ARHGEF10L: variants seen among roughly 807,000 people sequenced by gnomAD.
ARHGEF10L encodes Rho guanine nucleotide exchange factor 10 like.
ARHGEF10L carries 69 observed loss-of-function variants against 141.2 expected under a neutral mutation model. The ratio of observed to expected loss-of-function variants is 0.49; its 90% CI spans 0.40 to 0.60. The LOEUF is 0.60. Among genes scored for constraint, ARHGEF10L ranks in the 20% least tolerant of loss-of-function variants. The probability of loss-of-function intolerance (pLI) is 0.00; values close to 1 mark genes in which losing one functional copy is unlikely to be tolerated. For synonymous variants in ARHGEF10L, 711 were observed against 718.5 expected (o/e 0.99, Z 0.17); for missense variants, 1,482 against 1,734.3 (o/e 0.85, Z 2.58).
intron 13 of ARHGEF10L, among the ~76,000 whole-genome samples, chr1:17,624,818 T>A (rs563404110): frequency 3.3e-4 from 50 of 152,290 alleles, no homozygotes; most frequent in Non-Finnish European, 4.4e-5. Flanking sequence ...GCTGGCCCTG[T>A]GGTGGGCTGT....
At chr1:17,669,828 C>T (rs2063204769) in intron 26 of ARHGEF10L, among the ~76,000 whole-genome samples, 1 of 152,256 alleles carries the variant, frequency 6.6e-6, no homozygotes, top group African/African-American at 2.4e-5. Flanking sequence ...GTGGGCTCAG[C>T]AGTCCAGGAG....
chr1:17,517,853 G>C, the ARHGEF10L span, among the ~76,000 whole-genome samples: 1 of 152,004 alleles, frequency 6.6e-6, no homozygotes, highest in South Asian at 2.1e-4. Context: ...GTAGAGACGG[G>C]GTTTCACCAT....
At chr1:17,606,586 G>A (rs754821572) in intron 6 of ARHGEF10L, among the ~76,000 whole-genome samples, 3 of 150,040 alleles carry the variant, frequency 2.0e-5, no homozygotes, top group Non-Finnish European at 4.4e-5. Flanking sequence ...GAGCCACCGC[G>A]ACCAGTCAGA....
At chr1:17,532,239 G>A in the ARHGEF10L span, among the ~76,000 whole-genome samples, 16 of 152,250 alleles carry the variant, frequency 1.1e-4, no homozygotes, top group South Asian at 4.2e-4. Flanking sequence ...CCTGTCTGCT[G>A]TCAGCTGACC....
At chr1:17,578,593 G>A (rs764169756) in intron 1 of ARHGEF10L, among the ~76,000 whole-genome samples, 10 of 152,120 alleles carry the variant, frequency 6.6e-5, no homozygotes, top group Non-Finnish European at 1.2e-4. Context: ...AGGCTGAGGC[G>A]AGAGGATCAC....
chr1:17,612,947 C>A, intron 7 of ARHGEF10L, 111 bp from the exon 8 acceptor site: 1 of 741,266 alleles, frequency 1.3e-6, no homozygotes. Context: ...AGCTGTCCGT[C>A]CGCACTTTAC....
At position 17,649,712 on chromosome 1, in the gene ARHGEF10L, G is replaced by A. The variant is rs138799321; in HGVS notation, c.2394+1037G>A. On this transcript the variant is annotated intron_variant, in intron 22 of 28. Coordinates refer to ENST00000361221, the MANE Select transcript of ARHGEF10L (RefSeq NM_018125.4). ...CAAAGGAAATAGAAAAGAGTGAGGT[G>A]TGTAATAAAGACATCGGGGCCACAG... is the stretch of plus-strand genomic sequence containing the variant. 2.6e-3 allele frequency among the ~76,000 whole-genome samples: 390 copies of A among 152,320 alleles called. 2 individuals carry two copies. The highest frequency in any genetic ancestry group is 8.7e-3 in the African/African-American group (363 of 41,556).
intron 26 of ARHGEF10L, 69 bp from the exon 27 acceptor site, chr1:17,687,504 G>A: frequency 1.9e-6 from 3 of 1,561,390 alleles, no homozygotes; most frequent in Non-Finnish European, 2.6e-6. Flanking sequence ...TGGCCCAGGG[G>A]TGGGGGCTTG....
chr1:17,633,510 AT>A (rs1053338783), intron 16 of ARHGEF10L, among the ~76,000 whole-genome samples: 57 of 149,412 alleles, frequency 3.8e-4, no homozygotes, highest in African/African-American at 1.1e-3. Context: ...CACCTAGCTA[AT>A]TTTTTTTTTA....
At chr1:17,545,393 A>G (rs2076882649) in intron 1 of ARHGEF10L, among the ~76,000 whole-genome samples, 1 of 152,314 alleles carries the variant, frequency 6.6e-6, no homozygotes, top group East Asian at 1.9e-4. Flanking sequence ...GCTGCTGGGC[A>G]GGGCCTGCTT....
intron 9 of ARHGEF10L, among the ~76,000 whole-genome samples, chr1:17,617,351 C>T (rs1463195210): frequency 2.0e-5 from 3 of 152,212 alleles, no homozygotes; most frequent in African/African-American, 7.2e-5. Context: ...CCCCTGATCC[C>T]CTGAAGCCCC....
At chr1:17,554,447 C>T (rs2077226714) in intron 1 of ARHGEF10L, among the ~76,000 whole-genome samples, 1 of 152,004 alleles carries the variant, frequency 6.6e-6, no homozygotes, top group African/African-American at 2.4e-5. Flanking sequence ...CTAGTCCACA[C>T]ATAGGACATC....
intron 22 of ARHGEF10L, among the ~76,000 whole-genome samples, chr1:17,649,831 G>A (rs934988183): frequency 6.6e-6 from 1 of 152,192 alleles, no homozygotes; most frequent in South Asian, 2.1e-4. Flanking sequence ...TCAGCCCAGG[G>A]ATGGGAACAA....
chr1:17,554,434 C>G (rs1199879461), intron 1 of ARHGEF10L, among the ~76,000 whole-genome samples: 1 of 151,894 alleles, frequency 6.6e-6, no homozygotes, highest in Non-Finnish European at 1.5e-5. Flanking sequence ...TTTCAGGGAT[C>G]ATCTAGTCCA....
intron 1 of ARHGEF10L, among the ~76,000 whole-genome samples, chr1:17,576,530 C>T (rs777488174): frequency 7.9e-5 from 12 of 152,052 alleles, no homozygotes; most frequent in Admixed American, 4.6e-4. Context: ...GTTCAGTGTC[C>T]GCCTGTTCCT....
chr1:17,618,470 C>T, intron 9 of ARHGEF10L: 1 of 1,472,246 alleles, frequency 6.8e-7, no homozygotes, highest in Non-Finnish European at 9.0e-7. Context: ...ACCCCCACCC[C>T]CACGCCGTCA....
intron 26 of ARHGEF10L, among the ~76,000 whole-genome samples, chr1:17,681,924 G>GT (rs2064154382): frequency 6.6e-6 from 1 of 151,884 alleles, no homozygotes; most frequent in Admixed American, 6.6e-5. Flanking sequence ...GTTGTCACTA[G>GT]TTACAGAGAT....
At chr1:17,626,785 C>T (rs1006629164) in intron 14 of ARHGEF10L, among the ~76,000 whole-genome samples, 3 of 152,238 alleles carry the variant, frequency 2.0e-5, no homozygotes, top group Non-Finnish European at 4.4e-5. Flanking sequence ...CCACAGCCTC[C>T]GGCAACCACC....
At chr1:17,626,112 C>A (rs961116342) in intron 14 of ARHGEF10L, 64 bp downstream of exon 14, 1 of 1,482,926 alleles carries the variant, frequency 6.7e-7, no homozygotes, top group African/African-American at 1.4e-5. Context: ...GAGGTGCCTC[C>A]TGGGGTAGGA....
Sources: allele counts gnomAD v4.1 joint callset (sites outside exome capture counted in the v4.1 genomes callset), GRCh38; gene constraint gnomAD v4.1.1; transcripts MANE v1.5; gene names NCBI Gene and HGNC (gene_info 2026-07-23, HGNC 2026-07-21).